KAZN: variants seen among roughly 807,000 people sequenced by gnomAD.
KAZN encodes kazrin.
A neutral mutation model predicts 87.4 loss-of-function variants in KAZN; 40 were observed. The observed-to-expected ratio is 0.46, with a 90% CI of 0.36 to 0.60. KAZN has a LOEUF of 0.60. Among genes scored for constraint, KAZN ranks in the 20% least tolerant of loss-of-function variants. KAZN has a pLI of 0.00. For missense variants in KAZN, 898 were observed against 1,073.9 expected (o/e 0.84, Z 2.29); for synonymous variants, 466 against 458.3 (o/e 1.02, Z -0.22).
At chr1:13,918,032 ATGT>A (rs1639924552) in intron 1 of KAZN, among the ~76,000 whole-genome samples, 1 of 152,190 alleles carries the variant, frequency 6.6e-6, no homozygotes. Flanking sequence ...AGGGAGATTA[ATGT>A]TGTTTTCATG....
rs138479090 is a variant in KAZN, at chr1:14,166,089, C to T, written c.92-14346C>T. On this transcript the variant is annotated intron_variant, in intron 1 of 16. Transcript: ENST00000636203. Reference sequence around the variant, plus strand: ...CAGCACTTCGGGAGGCAGAGGTGGGCAGATCACCTGAGGTCAGAAATTTGA... The same window carrying T: ...CAGCACTTCGGGAGGCAGAGGTGGGTAGATCACCTGAGGTCAGAAATTTGA... Among the ~76,000 whole-genome samples the T allele has an allele frequency of 2.2e-3, 336 of 152,276 alleles. 1 individual carries two copies. The highest frequency in any genetic ancestry group is 7.9e-3 in the African/African-American group (330 of 41,554).
intron 2 of KAZN, among the ~76,000 whole-genome samples, chr1:14,303,636 A>G (rs1654714256): frequency 6.6e-6 from 1 of 152,118 alleles, no homozygotes; most frequent in Non-Finnish European, 1.5e-5. Flanking sequence ...AGGCTCTCAA[A>G]TGTCCTCCAA....
chr1:13,939,138 C>T (rs1239528212), intron 1 of KAZN, among the ~76,000 whole-genome samples: 1 of 152,230 alleles, frequency 6.6e-6, no homozygotes, highest in Non-Finnish European at 1.5e-5. Flanking sequence ...CTCCACAGCT[C>T]CCTTGTATTC....
Position 14,599,960 on chromosome 1 carries a change from A to G in KAZN, c.226+737A>G, listed in dbSNP as rs1346406926. ...TGCGGTTTAGAGAAGAGGAAGAAAAAGACAGTTGGTTTGTGTTCACATTGA... is the reference window on the plus strand; with the variant it reads ...TGCGGTTTAGAGAAGAGGAAGAAAAGGACAGTTGGTTTGTGTTCACATTGA... On this transcript the variant is annotated intron_variant, in intron 1 of 14. Transcript: ENST00000376030. The surrounding 1 kb of genome is among the most constrained non-coding windows in gnomAD (Gnocchi z 4.4). 6.6e-6 allele frequency among the ~76,000 whole-genome samples: 1 copy of G among 152,158 alleles called. No individual in the cohort carries two copies. Among genetic ancestry groups the G allele is most frequent in the Non-Finnish European group, 1.5e-5 (1 of 68,034 alleles).
chr1:14,401,455 T>C (rs1306288892), intron 2 of KAZN, among the ~76,000 whole-genome samples: 2 of 151,874 alleles, frequency 1.3e-5, no homozygotes, highest in Non-Finnish European at 2.9e-5. Flanking sequence ...AGCAGGATAT[T>C]AAAATAACTA....
chr1:14,311,879 A>C (rs912944894), intron 2 of KAZN, among the ~76,000 whole-genome samples: 15 of 152,254 alleles, frequency 9.9e-5, no homozygotes, highest in African/African-American at 3.6e-4. Flanking sequence ...TAATAAACTT[A>C]TGATGCTTGC....
chr1:13,949,911 G>A (rs189486738), intron 1 of KAZN, among the ~76,000 whole-genome samples: 13 of 152,350 alleles, frequency 8.5e-5, no homozygotes, highest in African/African-American at 2.9e-4. Flanking sequence ...CACTGCAACT[G>A]TTGACTATAA....
intron 2 of KAZN, among the ~76,000 whole-genome samples, chr1:14,203,136 G>T (rs554894363): frequency 6.6e-6 from 1 of 151,916 alleles, no homozygotes; most frequent in African/African-American, 2.4e-5. Flanking sequence ...GAAGCCTATC[G>T]TGACGTATTT....
chr1:14,354,945 T>C (rs1658886390), intron 2 of KAZN, among the ~76,000 whole-genome samples: 1 of 152,116 alleles, frequency 6.6e-6, no homozygotes, highest in Non-Finnish European at 1.5e-5. Context: ...GTTAACAACA[T>C]AGATCTTCAA....
intron 1 of KAZN, among the ~76,000 whole-genome samples, chr1:14,774,382 A>G (rs1262161322): frequency 6.6e-6 from 1 of 151,894 alleles, no homozygotes; most frequent in African/African-American, 2.4e-5. Flanking sequence ...CAGCAAACAA[A>G]TGGTTCTCCG....
chr1:14,114,802 C>G (rs541955881), intron 1 of KAZN, among the ~76,000 whole-genome samples: 11 of 152,314 alleles, frequency 7.2e-5, no homozygotes, highest in Non-Finnish European at 4.4e-5. Context: ...ACTAGAAATG[C>G]TGAGCCCTCT....
intron 1 of KAZN, among the ~76,000 whole-genome samples, chr1:14,010,449 G>A (rs1201912970): frequency 6.6e-6 from 1 of 152,212 alleles, no homozygotes; most frequent in Non-Finnish European, 1.5e-5. Flanking sequence ...AAGGATGCCA[G>A]CGATGAAGCA....
At chr1:15,089,120 T>C (rs1640411382) in intron 8 of KAZN, among the ~76,000 whole-genome samples, 1 of 152,098 alleles carries the variant, frequency 6.6e-6, no homozygotes, top group South Asian at 2.1e-4. Context: ...TTTCGCATCT[T>C]TATTGCATCT....
chr1:15,008,533 A>G, intron 2 of KAZN, among the ~76,000 whole-genome samples: 1 of 152,146 alleles, frequency 6.6e-6, no homozygotes, highest in Admixed American at 6.5e-5. Context: ...AGAGCACTTC[A>G]CTGTTTGCAG....
At chr1:13,908,183 C>A (rs1639518119) in intron 1 of KAZN, among the ~76,000 whole-genome samples, 1 of 152,220 alleles carries the variant, frequency 6.6e-6, no homozygotes, top group African/African-American at 2.4e-5. Context: ...TTAGTTACAT[C>A]AGAAAGCCTG....
At chr1:14,957,806 G>A (rs976569261) in intron 1 of KAZN, among the ~76,000 whole-genome samples, 1 of 152,234 alleles carries the variant, frequency 6.6e-6, no homozygotes, top group Non-Finnish European at 1.5e-5. Flanking sequence ...CAAAGAGGCA[G>A]CTAATATGCT....
At chr1:13,984,399 T>C (rs1297968829) in intron 1 of KAZN, among the ~76,000 whole-genome samples, 1 of 152,240 alleles carries the variant, frequency 6.6e-6, no homozygotes, top group Non-Finnish European at 1.5e-5. Flanking sequence ...GAAATGACAG[T>C]ATTTCTCTCA....
intron 2 of KAZN, among the ~76,000 whole-genome samples, chr1:14,532,549 A>G (rs1270586939): frequency 6.6e-6 from 1 of 150,910 alleles, no homozygotes; most frequent in Non-Finnish European, 1.5e-5. Flanking sequence ...TACATGTGCC[A>G]TGTTGGTGTG....
chr1:14,833,060 G>A (rs947409304), intron 1 of KAZN, among the ~76,000 whole-genome samples: 2 of 152,116 alleles, frequency 1.3e-5, no homozygotes, highest in Non-Finnish European at 2.9e-5. Flanking sequence ...ATAAATAAAA[G>A]ATAAAATTAA....
Sources: gnomAD v4.1 joint callset for allele counts (sites outside exome capture counted in the v4.1 genomes callset) on GRCh38, gnomAD v4.1.1 for gene constraint, Gnocchi (gnomAD v3.1) non-coding constraint, MANE v1.5 for transcripts, NCBI Gene and HGNC (gene_info 2026-07-23, HGNC 2026-07-21) for gene names.